SPEN: variants seen among roughly 807,000 people sequenced by gnomAD.
The protein encoded by SPEN is spen family transcriptional repressor.
SPEN carries 18 observed loss-of-function variants against 269.9 expected under a neutral mutation model. The observed-to-expected ratio is 0.07, with a 90% CI of 0.05 to 0.10. The LOEUF is 0.10. SPEN is among the 10% of genes least tolerant of loss of function. The pLI is 1.00. For synonymous variants in SPEN, 1,726 were observed against 1,765.7 expected, an observed-to-expected ratio of 0.98 and a Z score of 0.56; for missense variants, 3,822 against 4,631.2, an observed-to-expected ratio of 0.83 and a Z score of 5.07.
chr1:15,933,891 T>G lies in SPEN; in HGVS notation c.7651T>G (p.Ser2551Ala). ...GTATGTGTCTGCCACAAGTGTCACT[T>G]CCACAAGTGTCACCACAGCCATTGC... is the stretch of plus-strand genomic sequence containing the variant. Reference protein sequence around the residue: ...PKYVSATSVTSTSVTTAIAEP... With the variant: ...PKYVSATSVTATSVTTAIAEP... Residue 2551 changes from serine to alanine, a missense_variant, in exon 11 of 15, where the codon TCC (serine) becomes GCC (alanine). Ser to Ala is a moderately conservative substitution (Grantham distance 99). Transcript: ENST00000375759. This position sits in a 1 kb window ranked among gnomAD's most constrained non-coding sequence, Gnocchi z 5.7. 6.2e-7 allele frequency: 1 copy of G among 1,613,946 alleles called. No individual in the cohort carries two copies. The highest frequency in any genetic ancestry group is 8.5e-7 in the Non-Finnish European group (1 of 1,180,016).
In SPEN at chr1:15,931,809, TCTC is replaced by T; in HGVS notation, c.5573_5575del (p.Pro1858del). 6.2e-7 allele frequency: 1 copy of T among 1,614,058 alleles called. No homozygotes were observed. Among genetic ancestry groups the T allele is most frequent in the Non-Finnish European group, 8.5e-7 (1 of 1,180,020 alleles). On this transcript the variant is annotated inframe_deletion, in exon 11 of 15. Coordinates refer to ENST00000375759, the MANE Select transcript of SPEN (RefSeq NM_015001.3). This position sits in a 1 kb window ranked among gnomAD's most constrained non-coding sequence, Gnocchi z 4.8. ...CCGGGAAAAACTCAAGCGGTCCAAT[TCTC>T]CTCGGGGAGAAGCACAGAAGCTTTT...
At chr1:15,880,453 CTTTT>C (rs371820417) in intron 3 of SPEN, among the ~76,000 whole-genome samples, 2 of 110,958 alleles carry the variant, frequency 1.8e-5, no homozygotes, top group Admixed American at 9.5e-5. Context: ...GTAATTATAG[CTTTT>C]TTTTTTTTTT....
Position 15,919,434 on chromosome 1 carries a change from T to C in SPEN, c.1552T>C (p.Cys518Arg), listed in dbSNP as rs2071095832. 1 of 1,605,808 alleles carries C rather than the reference T, an allele frequency of 6.2e-7. No homozygotes were observed. Among genetic ancestry groups the C allele is most frequent in the East Asian group, 2.3e-5 (1 of 44,444 alleles). ...LGFGKSMPTN[C>R]VWLDGLSSNV... ...TTTTGGAAAGAGCATGCCTACAAAC[T>C]GCGTGTGGCTAGATGGGCTTTCTTC... is the stretch of plus-strand genomic sequence containing the variant. The change falls in exon 8 of 15, where the codon TGC becomes CGC. Residue 518 changes from cysteine (C) to arginine (R), a missense_variant. Physicochemically the swap from Cys to Arg is radical, Grantham distance 180 (BLOSUM62 -3). Coordinates refer to ENST00000375759, the MANE Select transcript of SPEN (RefSeq NM_015001.3).
At chr1:15,906,164 A>C (rs1006109331) in intron 3 of SPEN, among the ~76,000 whole-genome samples, 3 of 152,154 alleles carry the variant, frequency 2.0e-5, no homozygotes, top group African/African-American at 7.2e-5. Flanking sequence ...CAGAAGATTG[A>C]TTTCATTAAA....
rs2070289606 is a variant in SPEN at position 15,847,955 on chromosome 1, ACCGCCGCAG to A, written c.-105_-97del. The A allele has an allele frequency of 1.2e-5, 6 of 519,732 alleles. No homozygotes were observed. Among genetic ancestry groups the A allele is most frequent in the Admixed American group, 4.9e-5 (1 of 20,314 alleles). 32.2% of individuals were successfully genotyped at this position (519,732 alleles called of 1,614,324 possible). Reference sequence around the variant, plus strand: ...AGGAGCCGCCGCCGCTGCCGACGCCACCGCCGCAGCCGCCGCCGCCGCCGCCCCGGCACC... The same window carrying A: ...AGGAGCCGCCGCCGCTGCCGACGCCACCGCCGCCGCCGCCGCCCCGGCACC... On this transcript the variant is annotated 5_prime_UTR_variant, in exon 1 of 15. Coordinates refer to ENST00000375759, the MANE Select transcript of SPEN (RefSeq NM_015001.3).
chr1:15,914,255 T>A (rs2071036351), intron 5 of SPEN, among the ~76,000 whole-genome samples: 1 of 152,184 alleles, frequency 6.6e-6, no homozygotes, highest in Non-Finnish European at 1.5e-5. Context: ...CTGACTTAAC[T>A]CAAGGTCCCT....
At chr1:15,889,794 A>G (rs973919788) in intron 3 of SPEN, among the ~76,000 whole-genome samples, 6 of 151,864 alleles carry the variant, frequency 4.0e-5, no homozygotes, top group African/African-American at 1.5e-4. Flanking sequence ...GCTCACTACA[A>G]TCTCCATCTC....
Position 15,848,420 on chromosome 1 carries a change from C to A in SPEN, c.83+270C>A, listed in dbSNP as rs2070298317. Among the ~76,000 whole-genome samples the A allele has an allele frequency of 1.3e-5, 2 of 151,544 alleles. No homozygotes were observed. The highest frequency in any genetic ancestry group is 4.8e-5 in the African/African-American group (2 of 41,348). ...GACGAGGGAGGTGACCGAGGCTCGG[C>A]CTCCACGCAGCCGGCGCCCCGGGGC... is the stretch of plus-strand genomic sequence containing the variant. On this transcript the variant is annotated intron_variant, in intron 1 of 14. Coordinates refer to ENST00000375759, the MANE Select transcript of SPEN (RefSeq NM_015001.3). The surrounding 1 kb of genome is among the most constrained non-coding windows in gnomAD (Gnocchi z 5.1).
At chr1:15,926,896 G>T (rs1387117234) in intron 10 of SPEN, among the ~76,000 whole-genome samples, 1 of 152,072 alleles carries the variant, frequency 6.6e-6, no homozygotes, top group Non-Finnish European at 1.5e-5. Context: ...GTTTCACCAT[G>T]TTAGCCAGGA....
At chr1:15,909,688 C>T (rs1272109980) in intron 4 of SPEN, among the ~76,000 whole-genome samples, 1 of 152,168 alleles carries the variant, frequency 6.6e-6, no homozygotes, top group Non-Finnish European at 1.5e-5. Flanking sequence ...TTTTAATTGA[C>T]AGCTGACCGT....
chr1:15,851,964 C>T (rs2070340802), intron 1 of SPEN, among the ~76,000 whole-genome samples: 1 of 151,872 alleles, frequency 6.6e-6, no homozygotes, highest in Non-Finnish European at 1.5e-5. Context: ...GCCTGGGGGA[C>T]AGAGCAAGAC....
At chr1:15,878,139 T>C (rs1275023371) in intron 3 of SPEN, among the ~76,000 whole-genome samples, 1 of 152,148 alleles carries the variant, frequency 6.6e-6, no homozygotes, top group Non-Finnish European at 1.5e-5. Context: ...ACCTAGTATA[T>C]GTTAAAAAAA....
At chr1:15,918,159 T>G (rs904742166) in intron 6 of SPEN, among the ~76,000 whole-genome samples, 14 of 152,350 alleles carry the variant, frequency 9.2e-5, no homozygotes, top group Middle Eastern at 6.8e-3. Flanking sequence ...TTTATTTATT[T>G]ATTGATCTTT....
chr1:15,854,854 G>T (rs1468634418), intron 1 of SPEN, among the ~76,000 whole-genome samples: 1 of 152,006 alleles, frequency 6.6e-6, no homozygotes. Flanking sequence ...TGAGTGAAAA[G>T]ATTTTTTGGA....
chr1:15,933,660 T>A lies in SPEN; in HGVS notation c.7420T>A (p.Ser2474Thr), dbSNP rs763905177. Residue 2474 changes from serine (S) to threonine (T), a missense_variant, in exon 11 of 15, where the codon TCT becomes ACT. Ser to Thr is a moderately conservative substitution (Grantham distance 58, BLOSUM62 1). Around this residue, in one of 16 missense-constraint regions of SPEN, gnomAD observed 727 missense variants for 737.9 expected, o/e 0.99. Coordinates refer to ENST00000375759, the MANE Select transcript of SPEN (RefSeq NM_015001.3). The surrounding 1 kb of genome is among the most constrained non-coding windows in gnomAD (Gnocchi z 5.7). ...AAGCATCCCCATACCCACACTGCCT[T>A]CTGTAACTGCAGCAAAGCTCTCACC... ...DPSIPIPTLP[S>T]VTAAKLSPPV... 2.5e-6 allele frequency: 4 copies of A among 1,613,980 alleles called. No homozygotes were observed. The highest frequency in any genetic ancestry group is 3.4e-6 in the Non-Finnish European group (4 of 1,179,984).
In SPEN at chr1:15,937,485, A is replaced by C. The variant is rs754930258; in HGVS notation, c.10349A>C (p.Gln3450Pro). The stretch of plus-strand genomic sequence containing the variant: ...GACCTTCCAGTCTCTCTTCCCACTC[A>C]GACTGCCCCAAAACAGCCGTTGTTT... ...KPDLPVSLPT[Q>P]TAPKQPLFVP... Residue 3450 changes from glutamine to proline, a missense_variant, in exon 12 of 15, where the codon CAG becomes CCG. Around this residue, in one of 16 missense-constraint regions of SPEN, gnomAD observed 359 missense variants for 377.3 expected, o/e 0.95. Transcript: ENST00000375759. This position sits in a 1 kb window ranked among gnomAD's most constrained non-coding sequence, Gnocchi z 5.7. The C allele has an allele frequency of 3.0e-5, 49 of 1,613,886 alleles. No homozygotes were observed. Among genetic ancestry groups the C allele is most frequent in the Non-Finnish European group, 4.1e-5 (48 of 1,179,980 alleles).
At position 15,934,766 on chromosome 1, in the gene SPEN, A is replaced by C; in HGVS notation, c.8526A>C (p.Ala2842=). 6.2e-7 allele frequency: 1 copy of C among 1,614,146 alleles called. No homozygotes were observed. The highest frequency in any genetic ancestry group is 2.2e-5 in the East Asian group (1 of 44,870). Residue 2842 remains alanine, a synonymous_variant, in exon 11 of 15, where the codon GCA becomes GCC. Coordinates refer to ENST00000375759, the MANE Select transcript of SPEN (RefSeq NM_015001.3). The surrounding 1 kb of genome is among the most constrained non-coding windows in gnomAD (Gnocchi z 9.2). ...AKISQIPPAS[A]MDIEFQQSVS... is the part of the protein sequence containing the mutation. ...TCAGCCAGATCCCCCCGGCCAGTGCAATGGACATTGAATTTCAGCAGTCAG... is the reference window on the plus strand; with the variant it reads ...TCAGCCAGATCCCCCCGGCCAGTGCCATGGACATTGAATTTCAGCAGTCAG...
rs766719119 is a variant in SPEN at position 15,933,385 on chromosome 1, A to C, written c.7145A>C (p.Gln2382Pro). Residue 2382 changes from glutamine (Q) to proline (P), a missense_variant, in exon 11 of 15, where the codon CAG (glutamine) becomes CCG (proline). This residue lies in a region of SPEN where 727 missense variants were observed against 737.9 expected (regional missense o/e 0.99). Coordinates refer to ENST00000375759, the MANE Select transcript of SPEN (RefSeq NM_015001.3). This position sits in a 1 kb window ranked among gnomAD's most constrained non-coding sequence, Gnocchi z 5.7. ...GTTVQHPEAP[Q>P]EEKQSEKPHS... is the part of the protein sequence containing the mutation. ...ACAGTACAGCACCCCGAAGCCCCAC[A>C]GGAAGAAAAGCAGAGTGAGAAACCC... The C allele has an allele frequency of 1.8e-5, 29 of 1,614,076 alleles. No individual in the cohort carries two copies. The highest frequency in any genetic ancestry group is 2.4e-5 in the Non-Finnish European group (28 of 1,180,036).
Position 15,928,525 on chromosome 1 carries a change from G to A in SPEN, c.2285G>A (p.Arg762Gln), listed in dbSNP as rs747601086. 37 of 1,613,984 alleles carry A rather than the reference G, an allele frequency of 2.3e-5. No homozygotes were observed. Among genetic ancestry groups the A allele is most frequent in the South Asian group, 1.8e-4 (16 of 91,082 alleles). The change falls in exon 11 of 15, where the codon CGG (arginine) becomes CAG (glutamine). Residue 762 changes from arginine to glutamine, a missense_variant. Arg to Gln is a conservative substitution (Grantham distance 43). Transcript: ENST00000375759. This position sits in a 1 kb window ranked among gnomAD's most constrained non-coding sequence, Gnocchi z 5.7. ...AGGCTTTACAGCCGATCCTCAGACC[G>A]GAGTGGAAGCTGTAGCTCACTCTCC... The part of the protein sequence containing the change: ...ERRLYSRSSD[R>Q]SGSCSSLSPP...
Sources: gnomAD v4.1 joint callset for allele counts (sites outside exome capture counted in the v4.1 genomes callset) on GRCh38, gnomAD v4.1.1 for gene constraint, gnomAD v4.1.1 regional missense constraint, Gnocchi (gnomAD v3.1) non-coding constraint, MANE v1.5 for transcripts, NCBI Gene and HGNC (gene_info 2026-07-23, HGNC 2026-07-21) for gene names.